Variants in KCND2 observed in about 807,000 individuals in gnomAD.
KCND2 encodes potassium voltage-gated channel subfamily D member 2.
A neutral mutation model predicts 54.4 loss-of-function variants in KCND2; 16 were observed. The observed-to-expected ratio is 0.29, with a 90% CI of 0.20 to 0.45. The LOEUF is 0.45. KCND2 is among the 20% of genes least tolerant of loss of function. KCND2 has a pLI of 1.00. For synonymous variants in KCND2, 317 were observed against 310.7 expected, an observed-to-expected ratio of 1.02 and a Z score of -0.21; for missense variants, 486 against 824.2, an observed-to-expected ratio of 0.59 and a Z score of 5.02.
chr7:120,279,756 C>A (rs1208668708), intron 1 of KCND2, among the ~76,000 whole-genome samples: 1 of 151,724 alleles, frequency 6.6e-6, no homozygotes, highest in Non-Finnish European at 1.5e-5. Context: ...CAGGGAAATT[C>A]CTTTTTTAGA....
chr7:120,409,874 A>G (rs1432854367), intron 1 of KCND2, among the ~76,000 whole-genome samples: 1 of 151,886 alleles, frequency 6.6e-6, no homozygotes, highest in Non-Finnish European at 1.5e-5. Flanking sequence ...TCTTCCTAAG[A>G]CAAAATTTAA....
chr7:120,479,416 T>TTA (rs913000152), intron 1 of KCND2, among the ~76,000 whole-genome samples: 228 of 151,548 alleles, frequency 1.5e-3, no homozygotes, highest in African/African-American at 4.1e-3. Flanking sequence ...ATTAAAATAT[T>TTA]TATATATATA....
chr7:120,493,927 T>C (rs1045124157), intron 1 of KCND2, among the ~76,000 whole-genome samples: 3 of 152,128 alleles, frequency 2.0e-5, no homozygotes, highest in African/African-American at 7.2e-5. Flanking sequence ...ATAATGGAAT[T>C]TTAAATAAGC....
At chr7:120,333,036 A>G (rs1800091059) in intron 1 of KCND2, among the ~76,000 whole-genome samples, 1 of 152,066 alleles carries the variant, frequency 6.6e-6, no homozygotes, top group Admixed American at 6.5e-5. Flanking sequence ...AGTCTATGGT[A>G]TCTTCTAGAA....
chr7:120,685,383 A>C (rs189858101), intron 1 of KCND2, among the ~76,000 whole-genome samples: 4 of 152,288 alleles, frequency 2.6e-5, no homozygotes, highest in African/African-American at 9.6e-5. Flanking sequence ...CCAGCGCATG[A>C]GTCTGTCCAG....
chr7:120,567,548 C>T (rs1388071376), intron 1 of KCND2, among the ~76,000 whole-genome samples: 1 of 152,062 alleles, frequency 6.6e-6, no homozygotes, highest in African/African-American at 2.4e-5. Context: ...TTTTAGCTAC[C>T]AAGGTGAGGA....
chr7:120,279,442 T>G (rs1799228584), intron 1 of KCND2, among the ~76,000 whole-genome samples: 1 of 151,936 alleles, frequency 6.6e-6, no homozygotes, highest in African/African-American at 2.4e-5. Context: ...ACAAAATTGT[T>G]TTCATCAAAG....
At chr7:120,281,379 A>G (rs558399225) in intron 1 of KCND2, among the ~76,000 whole-genome samples, 10 of 149,460 alleles carry the variant, frequency 6.7e-5, no homozygotes, top group Admixed American at 1.3e-4. Context: ...TTGCTCTCCC[A>G]CTAGCTTCTG....
chr7:120,678,764 A>G (rs954038427), intron 1 of KCND2, among the ~76,000 whole-genome samples: 3 of 144,440 alleles, frequency 2.1e-5, no homozygotes, highest in Non-Finnish European at 4.5e-5. Flanking sequence ...ATATATATAT[A>G]TATATATATA....
chr7:120,406,399 C>T (rs534268024), intron 1 of KCND2, among the ~76,000 whole-genome samples: 1 of 152,102 alleles, frequency 6.6e-6, no homozygotes, highest in South Asian at 2.1e-4. Flanking sequence ...CAAATCTCTT[C>T]TGCTGGTTTA....
At chr7:120,735,989 A>G (rs1792865049) in intron 2 of KCND2, among the ~76,000 whole-genome samples, 1 of 152,088 alleles carries the variant, frequency 6.6e-6, no homozygotes. Flanking sequence ...TTTATCTGGG[A>G]CTGGGCTATG....
intron 1 of KCND2, among the ~76,000 whole-genome samples, chr7:120,600,707 G>A (rs907181545): frequency 2.6e-5 from 4 of 151,826 alleles, no homozygotes; most frequent in South Asian, 4.1e-4. Flanking sequence ...AGAGATTTGG[G>A]GAAATTGATT....
chr7:120,443,352 AAATAATAATAAT>A (rs139962538), intron 1 of KCND2, among the ~76,000 whole-genome samples: 3,533 of 146,582 alleles, frequency 0.024, 123 homozygotes, highest in African/African-American at 0.079. Context: ...TAACAATAAT[AAATAATAATAAT>A]AATAATAATA....
intron 1 of KCND2, among the ~76,000 whole-genome samples, chr7:120,549,413 G>T (rs768377521): frequency 2.6e-4 from 39 of 152,204 alleles, no homozygotes; most frequent in Non-Finnish European, 5.1e-4. Context: ...AAACAGAAAG[G>T]TGAAGAGAGT....
chr7:120,476,890 G>A lies in KCND2; in HGVS notation c.1115+201143G>A, dbSNP rs78917158. ...GTTTGAGCATCACAATTGACTCTAA[G>A]CTTTTGCACCACCCTTAACTTTTCC... On this transcript the variant is annotated intron_variant, in intron 1 of 5. Transcript: ENST00000331113. Among the ~76,000 whole-genome samples, 51 of 152,288 alleles carry A rather than the reference G, an allele frequency of 3.3e-4. No individual in the cohort carries two copies. In the East Asian group the frequency reaches 9.1e-3, roughly 27 times the overall value.
chr7:120,397,537 T>C (rs1405438109), intron 1 of KCND2, among the ~76,000 whole-genome samples: 1 of 152,024 alleles, frequency 6.6e-6, no homozygotes, highest in Admixed American at 6.6e-5. Flanking sequence ...CTTCTACATT[T>C]TGCTAAGTTT....
In KCND2 at chr7:120,304,062, A is replaced by G. The variant is rs142952512; in HGVS notation, c.1115+28315A>G. Among the ~76,000 whole-genome samples, 597 of 152,216 alleles carry G rather than the reference A, an allele frequency of 3.9e-3. 7 individuals are homozygous for G. The highest frequency in any genetic ancestry group is 0.013 in the African/African-American group (555 of 41,536). On this transcript the variant is annotated intron_variant, in intron 1 of 5. Transcript: ENST00000331113. ...TTCTGAAACAACTAGACCAAATTAT[A>G]CTTGTACCAGCAATGAACGAGAATG...
chr7:120,491,896 G>T (rs908709056), intron 1 of KCND2, among the ~76,000 whole-genome samples: 1 of 152,024 alleles, frequency 6.6e-6, no homozygotes, highest in Admixed American at 6.6e-5. Flanking sequence ...AGAATGTAAA[G>T]AGATTTTATG....
intron 1 of KCND2, among the ~76,000 whole-genome samples, chr7:120,615,665 C>T (rs1793014932): frequency 6.6e-6 from 1 of 152,174 alleles, no homozygotes; most frequent in Non-Finnish European, 1.5e-5. Flanking sequence ...AAGATTGTCT[C>T]CATGTTCTTT....
Sources: gnomAD v4.1 joint callset for allele counts (sites outside exome capture counted in the v4.1 genomes callset) on GRCh38, gnomAD v4.1.1 for gene constraint, MANE v1.5 for transcripts, NCBI Gene and HGNC (gene_info 2026-07-23, HGNC 2026-07-21) for gene names.